Variants in PAMR1 observed in about 807,000 individuals in gnomAD.
PAMR1 encodes the protein inactive serine protease PAMR1.
PAMR1 carries 88 observed loss-of-function variants against 81.8 expected under a neutral mutation model. The observed-to-expected ratio is 1.08, with a 90% confidence interval of 0.91 to 1.28. The LOEUF is 1.28. Among genes scored for constraint, PAMR1 ranks in the 50% most tolerant of loss-of-function variants. The pLI is 0.00. For missense variants in PAMR1, 935 were observed against 919.7 expected, an observed-to-expected ratio of 1.02 and a Z score of -0.21; for synonymous variants, 336 against 345.3, an observed-to-expected ratio of 0.97 and a Z score of 0.30.
intron 3 of PAMR1, among the ~76,000 whole-genome samples, chr11:35,476,502 C>T (rs773668339): frequency 1.1e-4 from 17 of 152,252 alleles, no homozygotes; most frequent in African/African-American, 3.4e-4. Flanking sequence ...TGAAGAAGGA[C>T]GCGTTTGCTT....
chr11:35,508,011 G>T (rs1851002043), intron 1 of PAMR1, among the ~76,000 whole-genome samples: 1 of 152,186 alleles, frequency 6.6e-6, no homozygotes, highest in Non-Finnish European at 1.5e-5. Flanking sequence ...TAGTGCCACT[G>T]AATCACCACT....
At chr11:35,524,968 T>C (rs1007663468) in intron 1 of PAMR1, among the ~76,000 whole-genome samples, 1 of 152,210 alleles carries the variant, frequency 6.6e-6, no homozygotes, top group African/African-American at 2.4e-5. Flanking sequence ...AGTGTGTCTA[T>C]ATATGCTGAG....
chr11:35,476,511 T>C (rs1055708315), intron 3 of PAMR1, among the ~76,000 whole-genome samples: 1 of 152,142 alleles, frequency 6.6e-6, no homozygotes, highest in Non-Finnish European at 1.5e-5. Flanking sequence ...ACGCGTTTGC[T>C]TCCCCTTCTG....
chr11:35,504,138 T>C (rs1850906034), intron 1 of PAMR1, among the ~76,000 whole-genome samples: 2 of 152,142 alleles, frequency 1.3e-5, no homozygotes, highest in South Asian at 4.1e-4. Context: ...GATCACATGG[T>C]TTTTGTTCTT....
At chr11:35,476,350 G>A (rs1407037201) in intron 3 of PAMR1, among the ~76,000 whole-genome samples, 1 of 152,196 alleles carries the variant, frequency 6.6e-6, no homozygotes, top group African/African-American at 2.4e-5. Context: ...TGTCATAGGA[G>A]GGACCTGGTG....
intron 5 of PAMR1, among the ~76,000 whole-genome samples, chr11:35,468,878 A>G (rs1856803232): frequency 6.6e-6 from 1 of 152,220 alleles, no homozygotes; most frequent in Non-Finnish European, 1.5e-5. Flanking sequence ...ATTTATCCCA[A>G]TGTAGAAGTA....
chr11:35,443,925 G>A (rs1856236986), intron 6 of PAMR1, among the ~76,000 whole-genome samples: 1 of 152,100 alleles, frequency 6.6e-6, no homozygotes, highest in South Asian at 2.1e-4. Context: ...ATCTCGTTGT[G>A]GTTATTTACA....
chr11:35,450,293 G>A (rs897683257), intron 6 of PAMR1, among the ~76,000 whole-genome samples: 9 of 152,192 alleles, frequency 5.9e-5, no homozygotes, highest in South Asian at 2.1e-4. Context: ...TAGACTATGC[G>A]TAAGTTAATC....
intron 6 of PAMR1, among the ~76,000 whole-genome samples, chr11:35,461,116 A>C (rs1311861442): frequency 6.6e-6 from 1 of 152,230 alleles, no homozygotes; most frequent in African/African-American, 2.4e-5. Context: ...AGTCCATCCC[A>C]GTTCTAATGA....
intron 4 of PAMR1, among the ~76,000 whole-genome samples, chr11:35,473,633 G>T (rs1191488659): frequency 2.0e-5 from 3 of 152,156 alleles, no homozygotes; most frequent in African/African-American, 4.8e-5. Flanking sequence ...TGAAGAGGAA[G>T]ATTGAGAAGG....
intron 6 of PAMR1, among the ~76,000 whole-genome samples, chr11:35,454,742 A>G (rs1856492104): frequency 6.6e-6 from 1 of 152,178 alleles, no homozygotes; most frequent in South Asian, 2.1e-4. Flanking sequence ...CAGCACTCCT[A>G]GGCAGTGAAA....
intron 9 of PAMR1, among the ~76,000 whole-genome samples, chr11:35,435,666 C>A (rs1856025195): frequency 6.6e-6 from 1 of 151,810 alleles, no homozygotes; most frequent in South Asian, 2.1e-4. Flanking sequence ...CCATTTTTTC[C>A]AAGTAAATAT....
Position 35,468,121 on chromosome 11 carries a change from A to C in PAMR1, c.713-13T>G. The C allele has an allele frequency of 1.3e-6, 2 of 1,522,158 alleles. No individual in the cohort carries two copies. The highest frequency in any genetic ancestry group is 1.8e-6 in the Non-Finnish European group (2 of 1,120,058). 94.3% of individuals were successfully genotyped at this position (1,522,158 alleles called of 1,614,324 possible). ...GATGAGGAGCATGCTGTAAGAGAAA[A>C]GGCATCCTTCAGTGCCACTATACAT... is the stretch of plus-strand genomic sequence containing the variant. On this transcript the variant is annotated splice_polypyrimidine_tract_variant and intron_variant, in intron 5 of 10. Transcript: ENST00000619888.
At chr11:35,437,403 A>G (rs1158811233) in intron 8 of PAMR1, among the ~76,000 whole-genome samples, 1 of 152,246 alleles carries the variant, frequency 6.6e-6, no homozygotes, top group Admixed American at 6.5e-5. Flanking sequence ...ATATCATCAC[A>G]AGAAATCTAT....
chr11:35,503,573 T>C (rs1291174887), intron 1 of PAMR1, among the ~76,000 whole-genome samples: 3 of 152,152 alleles, frequency 2.0e-5, no homozygotes, highest in Non-Finnish European at 2.9e-5. Flanking sequence ...TAGTTTTCCT[T>C]GTATAGCTCT....
At chr11:35,490,917 T>C (rs1264923682) in intron 3 of PAMR1, among the ~76,000 whole-genome samples, 1 of 152,216 alleles carries the variant, frequency 6.6e-6, no homozygotes, top group Non-Finnish European at 1.5e-5. Context: ...TATTTAAACC[T>C]AGGTCTGTTT....
rs572688428 is a variant in PAMR1 at position 35,508,364 on chromosome 11, T to C, written c.74-14092A>G. On this transcript the variant is annotated intron_variant, in intron 1 of 10. Transcript: ENST00000619888. ...ACCATCTGCTCAGAGTTTTTTCACTTCTCTGTGGCCCTTGAAACTCAGTCA... is the reference window on the plus strand; with the variant it reads ...ACCATCTGCTCAGAGTTTTTTCACTCCTCTGTGGCCCTTGAAACTCAGTCA... 1.6e-4 allele frequency among the ~76,000 whole-genome samples: 24 copies of C among 152,216 alleles called. No individual in the cohort carries two copies. The South Asian group carries it at 5.0e-3, about 32-fold the overall frequency.
chr11:35,529,311 C>T (rs376167219), upstream of PAMR1, among the ~76,000 whole-genome samples: 69 of 152,216 alleles, frequency 4.5e-4, no homozygotes, highest in African/African-American at 1.5e-3. Context: ...CACTAATCTT[C>T]GTAAGTTAAA....
chr11:35,468,973 C>T (rs1029143436), intron 5 of PAMR1, among the ~76,000 whole-genome samples: 12 of 152,158 alleles, frequency 7.9e-5, no homozygotes, highest in African/African-American at 2.9e-4. Flanking sequence ...AACAGGATGT[C>T]CTATTTACCA....
Sources: allele counts gnomAD v4.1 joint callset (sites outside exome capture counted in the v4.1 genomes callset), GRCh38; gene constraint gnomAD v4.1.1; transcripts MANE v1.5; gene names NCBI Gene and HGNC (gene_info 2026-07-23, HGNC 2026-07-21).